The following ALG3 variants were observed in gnomAD, a reference collection of about 807,000 sequenced individuals.
ALG3 encodes ALG3 alpha-1,3- mannosyltransferase.
Under a neutral mutation model 50.5 loss-of-function variants are expected in ALG3, and 39 were observed. The ratio of observed to expected loss-of-function variants is 0.77; its 90% confidence interval spans 0.60 to 1.01. ALG3 has a LOEUF of 1.01. ALG3 is among the 50% of genes least tolerant of loss of function. The pLI, the probability that ALG3 is intolerant of heterozygous loss-of-function variation, is 0.00. For missense variants in ALG3, 520 were observed against 554.8 expected (o/e 0.94, Z 0.63); for synonymous variants, 252 against 237.2 (o/e 1.06, Z -0.58).
intron 7 of ALG3, 80 bp from the exon 8 acceptor site, chr3:184,243,037 C>A: frequency 6.4e-7 from 1 of 1,558,578 alleles, no homozygotes; most frequent in South Asian, 1.2e-5. Context: ...GTTTTTAGGT[C>A]ACATAGCCCT....
chr3:184,242,607 G>A lies in ALG3; in HGVS notation c.1224C>T (p.Ala408=). 6.3e-7 allele frequency: 1 copy of A among 1,591,130 alleles called. No individual in the cohort carries two copies. The highest frequency in any genetic ancestry group is 8.6e-7 in the Non-Finnish European group (1 of 1,165,414). ...TYPSTSCSSA[A]LHICHAVILL... ...GGATGACGGCATGGCATATGTGCAG[G>A]GCAGCAGAGCTGCAGGATGTGGAAG... is the stretch of plus-strand genomic sequence containing the variant. Residue 408 remains alanine, a synonymous_variant, in exon 9 of 9, where the codon GCC becomes GCT. Coordinates refer to ENST00000397676, the MANE Select transcript of ALG3 (RefSeq NM_005787.6).
Position 184,242,666 on chromosome 3 carries a change from G to A in ALG3, c.1165C>T (p.Leu389=). ...WLTHLLRLLV[L]GLIELSWNTY... ...TTCCAGGAGAGCTCGATGAGCCCCA[G>A]CACCAACAACCTGGAGATGAGAAAC... is the stretch of plus-strand genomic sequence containing the variant. The change falls in exon 9 of 9, where the codon CTG becomes TTG. Residue 389 remains leucine, a synonymous_variant. Coordinates refer to ENST00000397676, the MANE Select transcript of ALG3 (RefSeq NM_005787.6). 2 of 1,560,566 alleles carry A rather than the reference G, an allele frequency of 1.3e-6. No individual in the cohort carries two copies. The highest frequency in any genetic ancestry group is 1.7e-4 in the Middle Eastern group (1 of 5,806).
chr3:184,243,732 G>A, intron 6 of ALG3, 59 bp downstream of exon 6: 3 of 1,593,702 alleles, frequency 1.9e-6, no homozygotes, highest in Non-Finnish European at 2.6e-6. Flanking sequence ...CAGCCCCTAA[G>A]GCTTAGGCCC....
intron 5 of ALG3, among the ~76,000 whole-genome samples, 156 bp from the exon 6 acceptor site, chr3:184,244,152 G>C (rs534270323): frequency 6.6e-6 from 1 of 152,156 alleles, no homozygotes; most frequent in Non-Finnish European, 1.5e-5. Flanking sequence ...CCCACCCCCC[G>C]GCCCAGGCCA....
intron 4 of ALG3, 118 bp from the exon 5 acceptor site, chr3:184,244,839 A>C (rs1719042844): frequency 8.0e-6 from 11 of 1,375,226 alleles, no homozygotes; most frequent in Non-Finnish European, 1.1e-5. Flanking sequence ...CACGCCAACA[A>C]ACTCCAAGAT....
chr3:184,244,553 C>T, intron 5 of ALG3, 48 bp downstream of exon 5: 1 of 1,583,348 alleles, frequency 6.3e-7, no homozygotes, highest in South Asian at 1.2e-5. Context: ...TCAATCAAGA[C>T]AAGTGGCTTC....
Position 184,245,590 on chromosome 3 carries a change from A to C in ALG3, c.322T>G (p.Phe108Val), listed in dbSNP as rs1719098976. 2 of 1,613,552 alleles carry C rather than the reference A, an allele frequency of 1.2e-6. No homozygotes were observed. The stretch of plus-strand genomic sequence containing the variant: ...CTGGTGGCATAGTACAACCCCATAA[A>C]GATGTACACGAAACCAGCTGGGTAC... ...LVYPAGFVYI[F>V]MGLYYATSRG... The change falls in exon 3 of 9, where the codon TTT becomes GTT. Residue 108 changes from phenylalanine to valine, a missense_variant. Physicochemically the swap from Phe to Val is conservative, Grantham distance 50. Coordinates refer to ENST00000397676, the MANE Select transcript of ALG3 (RefSeq NM_005787.6).
intron 4 of ALG3, 200 bp from the exon 5 acceptor site, chr3:184,244,921 C>T: frequency 2.6e-6 from 2 of 757,136 alleles, no homozygotes; most frequent in South Asian, 3.6e-5. Context: ...GTCTCTATGC[C>T]TACTAGATGC....
At position 184,242,994 on chromosome 3, in the gene ALG3, T is replaced by G. The variant is rs200645083; in HGVS notation, c.1010-37A>C. On this transcript the variant is annotated intron_variant, in intron 7 of 8. Transcript: ENST00000397676. ...TCAAGGCCAAGGGCAGGAGTGTGTG[T>G]GGGGGGGACTATCCCAAAACAGAGG... 1,216 of 1,608,892 alleles carry G rather than the reference T, an allele frequency of 7.6e-4. 1 individual carries two copies. The highest frequency in any genetic ancestry group is 9.6e-4 in the Non-Finnish European group (1,129 of 1,178,392).
intron 5 of ALG3, 69 bp from the exon 6 acceptor site, chr3:184,244,065 A>G: frequency 6.7e-7 from 1 of 1,488,584 alleles, no homozygotes. Context: ...CATGCTACTC[A>G]TTGAGGGGTG....
upstream of ALG3, chr3:184,249,276 A>T (rs535592177): frequency 4.3e-6 from 7 of 1,610,728 alleles, no homozygotes; most frequent in South Asian, 5.5e-5. Context: ...CGCTGGGAAC[A>T]TCTGTGTTCA....
intron 1 of ALG3, among the ~76,000 whole-genome samples, chr3:184,246,192 T>C (rs758074532): frequency 3.3e-5 from 5 of 152,214 alleles, no homozygotes; most frequent in Non-Finnish European, 7.3e-5. Context: ...CATCCTTCTC[T>C]GCTACTACAT....
At chr3:184,249,337 C>T (rs1719398570), upstream of ALG3, 3 of 1,527,348 alleles carry the variant, frequency 2.0e-6, no homozygotes, top group Non-Finnish European at 2.7e-6. Context: ...TCCTGCCTGC[C>T]CTTCGAGCCT....
intron 5 of ALG3, 173 bp downstream of exon 5, chr3:184,244,428 A>T: frequency 1.2e-6 from 1 of 800,816 alleles, no homozygotes; most frequent in African/African-American, 1.7e-5. Context: ...CATCAAATTT[A>T]ATACCCTATT....
At position 184,248,849 on chromosome 3, in the gene ALG3, T is replaced by A. The variant is rs760360990; in HGVS notation, c.92A>T (p.Glu31Val). ...CKQWLQRAWQ[E>V]RRLLLREPRY... ...CGGCTCCCGCAGCAGCAGGCGCCGC[T>A]CTTGCCAGGCGCGCTGCAGCCATTG... is the stretch of plus-strand genomic sequence containing the variant. The change falls in exon 1 of 9, where the codon GAG becomes GTG. Residue 31 changes from glutamate (E) to valine (V), a missense_variant. By Grantham distance (121) the Glu-to-Val change is moderately radical. This residue lies in a region of ALG3 where 290 missense variants were observed against 265.9 expected (regional missense o/e 1.09). Transcript: ENST00000397676. 1 of 1,608,256 alleles carries A rather than the reference T, an allele frequency of 6.2e-7. No homozygotes were observed. Among genetic ancestry groups the A allele is most frequent in the South Asian group, 1.1e-5 (1 of 90,808 alleles).
At chr3:184,243,671 T>C in intron 6 of ALG3, 41 bp from the exon 7 acceptor site, 3 of 1,611,054 alleles carry the variant, frequency 1.9e-6, no homozygotes, top group Middle Eastern at 1.7e-4. Context: ...GCCCCTTTTG[T>C]GAGTCAAACT....
rs755705644 is a variant in ALG3 at position 184,242,468 on chromosome 3, C to G, written c.*46G>C. ...TTGGAAGGGCAGAGTCCAACCAACC[C>G]CAGGTCCTGAGGGTAGACTCAGGTC... On this transcript the variant is annotated 3_prime_UTR_variant, in exon 9 of 9. Coordinates refer to ENST00000397676, the MANE Select transcript of ALG3 (RefSeq NM_005787.6). 8 of 1,594,660 alleles carry G rather than the reference C, an allele frequency of 5.0e-6. No individual in the cohort carries two copies. The highest frequency in any genetic ancestry group is 1.3e-5 in the African/African-American group (1 of 74,706).
intron 1 of ALG3, 100 bp from the exon 2 acceptor site, chr3:184,245,912 TC>T: frequency 1.1e-6 from 1 of 894,038 alleles, no homozygotes; most frequent in Non-Finnish European, 1.8e-6. Flanking sequence ...TTCAGCCAAT[TC>T]CCAGGGCTTT....
chr3:184,245,200 G>C lies in ALG3; in HGVS notation c.603C>G (p.Phe201Leu), dbSNP rs1461470589. Reference protein sequence around the residue: ...AQRWGWGCCFFSLAVSVKMNV... With the variant: ...AQRWGWGCCFLSLAVSVKMNV... ...ACCAGAAAGGAAGAGGTGTTGACCT[G>C]AAAAAGCAGCAACCCCAGCCCCAGC... is the stretch of plus-strand genomic sequence containing the variant. The change falls in exon 4 of 9, where the codon TTC (phenylalanine) becomes TTG (leucine). Residue 201 changes from phenylalanine (F) to leucine (L), a missense_variant and splice_region_variant. By Grantham distance (22) the Phe-to-Leu change is conservative. Transcript: ENST00000397676. 2.5e-6 allele frequency: 4 copies of C among 1,613,864 alleles called. No individual in the cohort carries two copies. Among genetic ancestry groups the C allele is most frequent in the Non-Finnish European group, 2.5e-6 (3 of 1,179,876 alleles).
Sources: gnomAD v4.1 joint callset for allele counts (sites outside exome capture counted in the v4.1 genomes callset) on GRCh38, gnomAD v4.1.1 for gene constraint, gnomAD v4.1.1 regional missense constraint, MANE v1.5 for transcripts, NCBI Gene and HGNC (gene_info 2026-07-23, HGNC 2026-07-21) for gene names.